Variants in ADAMTS12 observed in about 807,000 individuals in gnomAD.
ADAMTS12 encodes ADAM metallopeptidase with thrombospondin type 1 motif 12.
Under a neutral mutation model 167.8 loss-of-function variants are expected in ADAMTS12, and 118 were observed. The ratio of observed to expected loss-of-function variants is 0.70; its 90% CI spans 0.61 to 0.82. The LOEUF (loss-of-function observed/expected upper bound fraction) is 0.82. ADAMTS12 is among the 40% of genes least tolerant of loss of function. The pLI, the probability that ADAMTS12 is intolerant of heterozygous loss-of-function variation, is 0.00. For missense variants in ADAMTS12, 1,916 were observed against 1,998.8 expected, an observed-to-expected ratio of 0.96 and a Z score of 0.79; for synonymous variants, 704 against 716.9, an observed-to-expected ratio of 0.98 and a Z score of 0.29.
rs147560803 is a variant in ADAMTS12 at position 33,811,148 on chromosome 5, C to T, written c.490-59600G>A. 4.5e-3 allele frequency among the ~76,000 whole-genome samples: 692 copies of T among 152,224 alleles called. 4 individuals carry two copies. Among genetic ancestry groups the T allele is most frequent in the African/African-American group, 0.016 (668 of 41,534 alleles). On this transcript the variant is annotated intron_variant, in intron 2 of 23. Coordinates refer to ENST00000504830, the MANE Select transcript of ADAMTS12 (RefSeq NM_030955.4). ...AACAAAAACATGGGGGCTAATAGTACGTACTGTGCCAACTCATAGAGTAAT... is the reference window on the plus strand; with the variant it reads ...AACAAAAACATGGGGGCTAATAGTATGTACTGTGCCAACTCATAGAGTAAT...
In ADAMTS12 at chr5:33,868,135, C is replaced by A. The variant is rs146376279; in HGVS notation, c.489+12984G>T. ...GCCTATGGAACTGAGTCAATTAAACCTCTTTTCTTTATAAATTACCTAGTC... is the reference window on the plus strand; with the variant it reads ...GCCTATGGAACTGAGTCAATTAAACATCTTTTCTTTATAAATTACCTAGTC... On this transcript the variant is annotated intron_variant, in intron 2 of 23. Coordinates refer to ENST00000504830, the MANE Select transcript of ADAMTS12 (RefSeq NM_030955.4). Among the ~76,000 whole-genome samples the A allele has an allele frequency of 8.5e-3, 1,297 of 152,224 alleles. 22 individuals are homozygous for A. The highest frequency in any genetic ancestry group is 0.03 in the African/African-American group (1,244 of 41,544).
intron 2 of ADAMTS12, among the ~76,000 whole-genome samples, chr5:33,795,069 G>C (rs1391112365): frequency 6.6e-6 from 1 of 152,186 alleles, no homozygotes; most frequent in African/African-American, 2.4e-5. Flanking sequence ...TACGTGTACA[G>C]CAAAGTCTGG....
chr5:33,757,633 AT>A (rs1167080436), intron 2 of ADAMTS12, among the ~76,000 whole-genome samples: 3 of 152,232 alleles, frequency 2.0e-5, no homozygotes, highest in African/African-American at 7.2e-5. Flanking sequence ...GTGGGAAAAA[AT>A]AATCCCTTTG....
chr5:33,619,854 G>A (rs982651938), intron 14 of ADAMTS12, among the ~76,000 whole-genome samples: 1 of 152,050 alleles, frequency 6.6e-6, no homozygotes, highest in South Asian at 2.1e-4. Flanking sequence ...GCCACCACAC[G>A]CAGCTAATTT....
intron 2 of ADAMTS12, among the ~76,000 whole-genome samples, chr5:33,839,627 G>C (rs747630326): frequency 6.6e-6 from 1 of 152,088 alleles, no homozygotes; most frequent in African/African-American, 2.4e-5. Context: ...GTCCTTTCTT[G>C]GTTTCCACCA....
At chr5:33,740,688 G>C (rs1744538867) in intron 3 of ADAMTS12, among the ~76,000 whole-genome samples, 1 of 152,190 alleles carries the variant, frequency 6.6e-6, no homozygotes, top group African/African-American at 2.4e-5. Context: ...GGCATAGAGG[G>C]ATAATGAAGA....
chr5:33,606,211 G>A (rs1738433020), intron 16 of ADAMTS12, among the ~76,000 whole-genome samples: 1 of 152,224 alleles, frequency 6.6e-6, no homozygotes, highest in African/African-American at 2.4e-5. Context: ...TCCTCCCAAA[G>A]TGTTGGGATT....
At chr5:33,680,925 A>G (rs1561211299) in intron 5 of ADAMTS12, among the ~76,000 whole-genome samples, 1 of 152,180 alleles carries the variant, frequency 6.6e-6, no homozygotes, top group African/African-American at 2.4e-5. Context: ...CTGGACATAA[A>G]TCATTTTCAC....
intron 2 of ADAMTS12, among the ~76,000 whole-genome samples, chr5:33,795,513 T>C (rs1409883910): frequency 6.6e-6 from 1 of 152,214 alleles, no homozygotes; most frequent in Non-Finnish European, 1.5e-5. Context: ...CACGTAGCAC[T>C]GAAACTAGGA....
intron 20 of ADAMTS12, among the ~76,000 whole-genome samples, chr5:33,551,972 C>G (rs2111843312): frequency 6.6e-6 from 1 of 152,294 alleles, no homozygotes; most frequent in Non-Finnish European, 1.5e-5. Flanking sequence ...AGCCTGCGAA[C>G]CAGACTGACG....
At chr5:33,816,255 G>C (rs925379129) in intron 2 of ADAMTS12, among the ~76,000 whole-genome samples, 2 of 152,092 alleles carry the variant, frequency 1.3e-5, no homozygotes, top group Non-Finnish European at 2.9e-5. Flanking sequence ...ATACAATGTG[G>C]AATAATTAAA....
At chr5:33,865,530 T>G (rs536248548) in intron 2 of ADAMTS12, among the ~76,000 whole-genome samples, 1 of 152,228 alleles carries the variant, frequency 6.6e-6, no homozygotes, top group East Asian at 1.9e-4. Flanking sequence ...GGGGGGAAGT[T>G]TAAAGCATTG....
chr5:33,627,443 G>C (rs1739714983), intron 13 of ADAMTS12, among the ~76,000 whole-genome samples: 1 of 150,714 alleles, frequency 6.6e-6, no homozygotes, highest in South Asian at 2.1e-4. Context: ...GGTGGATATG[G>C]TGGTGGTGAT....
At chr5:33,691,988 G>T (rs1742564011) in intron 3 of ADAMTS12, among the ~76,000 whole-genome samples, 1 of 152,210 alleles carries the variant, frequency 6.6e-6, no homozygotes, top group South Asian at 2.1e-4. Flanking sequence ...GCCCTTCTCT[G>T]TTGTTTGCAT....
Position 33,683,118 on chromosome 5 carries a change from A to G in ADAMTS12, c.832-17T>C. Reference sequence around the variant, plus strand: ...CCCAGTGACCTAGGGTCAGAAATAGAAAACCATTAGCTCCACACGAAGAGA... The same window carrying G: ...CCCAGTGACCTAGGGTCAGAAATAGGAAACCATTAGCTCCACACGAAGAGA... On this transcript the variant is annotated splice_polypyrimidine_tract_variant and intron_variant, in intron 4 of 23. Transcript: ENST00000504830. 6.3e-7 allele frequency: 1 copy of G among 1,583,966 alleles called. No homozygotes were observed. Among genetic ancestry groups the G allele is most frequent in the Non-Finnish European group, 8.7e-7 (1 of 1,154,626 alleles).
intron 21 of ADAMTS12, among the ~76,000 whole-genome samples, chr5:33,548,777 T>C (rs1745106882): frequency 6.6e-6 from 1 of 151,982 alleles, no homozygotes; most frequent in Admixed American, 6.6e-5. Flanking sequence ...GAAACTCTAA[T>C]ATTATACTGT....
rs542008313 is a variant in ADAMTS12, at chr5:33,887,808, C to A, written c.127+3922G>T. Among the ~76,000 whole-genome samples the A allele has an allele frequency of 2.0e-5, 3 of 151,104 alleles. No homozygotes were observed. The East Asian group carries it at 5.8e-4, about 29-fold the overall frequency. Reference sequence around the variant, plus strand: ...GCTCTGTTGCCCAGGCTGGCATGATCTTGGCGGCCCACTGCAACCTCTGCC... The same window carrying A: ...GCTCTGTTGCCCAGGCTGGCATGATATTGGCGGCCCACTGCAACCTCTGCC... On this transcript the variant is annotated intron_variant, in intron 1 of 23. Coordinates refer to ENST00000504830, the MANE Select transcript of ADAMTS12 (RefSeq NM_030955.4).
chr5:33,720,278 T>TCA (rs879939993), intron 3 of ADAMTS12, among the ~76,000 whole-genome samples: 1,418 of 83,042 alleles, frequency 0.017, 10 homozygotes, highest in African/African-American at 0.04. Context: ...TCTCTCTCTC[T>TCA]CTCACTCACA....
chr5:33,720,336 T>C (rs1743767984), intron 3 of ADAMTS12, among the ~76,000 whole-genome samples: 1 of 149,562 alleles, frequency 6.7e-6, no homozygotes, highest in Admixed American at 6.7e-5. Context: ...CAAAAAGTGG[T>C]TTCATTTTCC....
Sources: gnomAD v4.1 joint callset for allele counts (sites outside exome capture counted in the v4.1 genomes callset) on GRCh38, gnomAD v4.1.1 for gene constraint, MANE v1.5 for transcripts, NCBI Gene and HGNC (gene_info 2026-07-23, HGNC 2026-07-21) for gene names.